The following FGF7 variants were observed in gnomAD, a reference collection of about 807,000 sequenced individuals.
FGF7 encodes the protein fibroblast growth factor 7, also known as FGF-7.
In FGF7, 6 loss-of-function variants were observed where a neutral mutation model predicts 20.5. That is an observed-to-expected ratio of 0.29 (90% CI 0.16 to 0.58). The LOEUF (loss-of-function observed/expected upper bound fraction) is 0.58. Among genes scored for constraint, FGF7 ranks in the 20% least tolerant of loss-of-function variants. The pLI, the probability that FGF7 is intolerant of heterozygous loss-of-function variation, is 0.90. For synonymous variants in FGF7, 64 were observed against 74.7 expected (o/e 0.86, Z 0.74); for missense variants, 144 against 228.8 (o/e 0.63, Z 2.39).
chr15:49,458,034 T>A (rs1302765826), intron 2 of FGF7, among the ~76,000 whole-genome samples: 1 of 151,992 alleles, frequency 6.6e-6, no homozygotes, highest in Non-Finnish European at 1.5e-5. Context: ...ATAGCAAGAT[T>A]GTTGTTGGGG....
chr15:49,476,184 T>C (rs983015182), intron 2 of FGF7, among the ~76,000 whole-genome samples: 2 of 151,366 alleles, frequency 1.3e-5, no homozygotes, highest in African/African-American at 4.8e-5. Context: ...TGACCACTTC[T>C]TTCTTCTGAA....
intron 2 of FGF7, among the ~76,000 whole-genome samples, chr15:49,431,858 A>C (rs2050651252): frequency 6.6e-6 from 1 of 151,762 alleles, no homozygotes; most frequent in Non-Finnish European, 1.5e-5. Flanking sequence ...ATGGAATGAC[A>C]AGATAGTAGA....
At chr15:49,483,430 C>A (rs2056132350) in intron 3 of FGF7, among the ~76,000 whole-genome samples, 176 bp downstream of exon 3, 1 of 152,040 alleles carries the variant, frequency 6.6e-6, no homozygotes, top group African/African-American at 2.4e-5. Flanking sequence ...TGACTTTGGA[C>A]AAATGGCTTG....
At chr15:49,477,031 GC>G (rs2055396783) in intron 2 of FGF7, among the ~76,000 whole-genome samples, 1 of 149,850 alleles carries the variant, frequency 6.7e-6, no homozygotes, top group African/African-American at 2.5e-5. Context: ...CTGCACTCCA[GC>G]CTGGGCGACA....
chr15:49,435,626 T>G (rs2151810191), intron 2 of FGF7, among the ~76,000 whole-genome samples: 1 of 151,690 alleles, frequency 6.6e-6, no homozygotes, highest in Non-Finnish European at 1.5e-5. Flanking sequence ...CTGGCCAAAT[T>G]TGGTCTTCAA....
intron 2 of FGF7, among the ~76,000 whole-genome samples, chr15:49,457,202 T>C (rs2053383671): frequency 6.6e-6 from 1 of 152,014 alleles, no homozygotes; most frequent in Admixed American, 6.6e-5. Flanking sequence ...GTTTATTGGA[T>C]TCATTGGAAT....
At chr15:49,450,474 T>TA (rs1366732460) in intron 2 of FGF7, among the ~76,000 whole-genome samples, 1 of 152,020 alleles carries the variant, frequency 6.6e-6, no homozygotes, top group Non-Finnish European at 1.5e-5. Flanking sequence ...GCTACACCAT[T>TA]AGAGAGCCAT....
At chr15:49,454,086 GT>G (rs771927762) in intron 2 of FGF7, among the ~76,000 whole-genome samples, 7 of 152,136 alleles carry the variant, frequency 4.6e-5, no homozygotes, top group Non-Finnish European at 1.0e-4. Context: ...ACAGGCGTAG[GT>G]TTGAAACTCT....
At chr15:49,468,063 C>CTATA (rs1280030806) in intron 2 of FGF7, among the ~76,000 whole-genome samples, 1 of 152,062 alleles carries the variant, frequency 6.6e-6, no homozygotes, top group East Asian at 1.9e-4. Context: ...GAAAGTATTG[C>CTATA]TATAATTGTA....
At chr15:49,463,828 A>G (rs2054018339) in intron 2 of FGF7, among the ~76,000 whole-genome samples, 1 of 152,174 alleles carries the variant, frequency 6.6e-6, no homozygotes, top group African/African-American at 2.4e-5. Flanking sequence ...TGTAAGGGGA[A>G]AATTGTAAGT....
At chr15:49,438,008 G>GATGTGGTTAAAATATGTTT (rs2051270323) in intron 2 of FGF7, among the ~76,000 whole-genome samples, 1 of 151,648 alleles carries the variant, frequency 6.6e-6, no homozygotes, top group Non-Finnish European at 1.5e-5. Flanking sequence ...GGGGAAGGGA[G>GATGTGGTTAAAATATGTTT]TCAGAAGAAA....
At chr15:49,477,839 C>A (rs936022012) in intron 2 of FGF7, among the ~76,000 whole-genome samples, 1 of 152,200 alleles carries the variant, frequency 6.6e-6, no homozygotes, top group African/African-American at 2.4e-5. Flanking sequence ...CAGCATACAG[C>A]ACTGTTAGTT....
intron 2 of FGF7, among the ~76,000 whole-genome samples, chr15:49,426,913 A>T (rs2050179701): frequency 6.6e-6 from 1 of 152,038 alleles, no homozygotes; most frequent in Admixed American, 6.6e-5. Flanking sequence ...GAATCCTTTA[A>T]GTAAACCCTA....
At chr15:49,470,511 A>C (rs987745045) in intron 2 of FGF7, among the ~76,000 whole-genome samples, 1 of 152,010 alleles carries the variant, frequency 6.6e-6, no homozygotes, top group African/African-American at 2.4e-5. Context: ...CTTCATAAAA[A>C]CTCCAACACA....
chr15:49,486,608 T>C lies in FGF7; in HGVS notation c.*2104T>C, dbSNP rs1010315811. 6.6e-6 allele frequency: 1 copy of C among 151,966 alleles called. No homozygotes were observed. Among genetic ancestry groups the C allele is most frequent in the Non-Finnish European group, 1.5e-5 (1 of 67,906 alleles). 9.4% of individuals were successfully genotyped at this position (151,966 alleles called of 1,614,324 possible). The stretch of plus-strand genomic sequence containing the variant: ...TATACAGAAATTTAAATAGAAATAG[T>C]GTATATACATATAAAATACAAGCTA... On this transcript the variant is annotated 3_prime_UTR_variant, in exon 4 of 4. Coordinates refer to ENST00000267843, the MANE Select transcript of FGF7 (RefSeq NM_002009.4).
chr15:49,458,503 A>T (rs962115118), intron 2 of FGF7, among the ~76,000 whole-genome samples: 1 of 152,082 alleles, frequency 6.6e-6, no homozygotes, highest in African/African-American at 2.4e-5. Context: ...TTTAAGATTC[A>T]ACACACTTTT....
chr15:49,452,348 C>T (rs931069497), intron 2 of FGF7, among the ~76,000 whole-genome samples: 3 of 152,080 alleles, frequency 2.0e-5, no homozygotes, highest in Admixed American at 1.3e-4. Flanking sequence ...CCACTGCACC[C>T]GGCCCCAACC....
chr15:49,453,043 T>C (rs2052915209), intron 2 of FGF7, among the ~76,000 whole-genome samples: 1 of 152,116 alleles, frequency 6.6e-6, no homozygotes, highest in Non-Finnish European at 1.5e-5. Flanking sequence ...CTTTTCTCCT[T>C]TCTCTTACCA....
At chr15:49,454,212 C>T (rs1286501866) in intron 2 of FGF7, among the ~76,000 whole-genome samples, 1 of 152,126 alleles carries the variant, frequency 6.6e-6, no homozygotes, top group African/African-American at 2.4e-5. Context: ...GAAATACAGA[C>T]TAAATAAATT....
Sources: allele counts gnomAD v4.1 joint callset (sites outside exome capture counted in the v4.1 genomes callset), GRCh38; gene constraint gnomAD v4.1.1; transcripts MANE v1.5; gene names NCBI Gene and HGNC (gene_info 2026-07-23, HGNC 2026-07-21).